ATG9A: variants seen among roughly 807,000 people sequenced by gnomAD.
ATG9A encodes autophagy-related protein 9A.
ATG9A carries 21 observed loss-of-function variants against 87.1 expected under a neutral mutation model. The observed-to-expected ratio is 0.24, with a 90% confidence interval of 0.17 to 0.35. The LOEUF (loss-of-function observed/expected upper bound fraction) is 0.35, where lower values mean the gene tolerates loss of function less well. Ranked by LOEUF, ATG9A falls within the 10% of genes least tolerant of loss-of-function variation. ATG9A has a pLI of 1.00. For missense variants in ATG9A, 836 were observed against 1,107.3 expected (o/e 0.76, Z 3.48); for synonymous variants, 422 against 441.3 (o/e 0.96, Z 0.55).
rs199900351 is a variant in ATG9A, at chr2:219,223,972, C to T, written c.1316G>A (p.Arg439His). Residue 439 changes from arginine (R) to histidine (H), a missense_variant, in exon 9 of 16, where the codon CGC becomes CAC. Transcript: ENST00000361242. This position sits in a 1 kb window ranked among gnomAD's most constrained non-coding sequence, Gnocchi z 4.7. ...GTAGTGGATGTGAGCGAGGATCACG[C>T]GGAGCAGCTGCTCAGGGCAGAACAC... ...HMVFCPEQLL[R>H]VILAHIHYMP... is the part of the protein sequence containing the mutation. The T allele has an allele frequency of 2.8e-4, 446 of 1,613,812 alleles. No individual in the cohort carries two copies. Among genetic ancestry groups the T allele is most frequent in the Non-Finnish European group, 3.6e-4 (424 of 1,179,908 alleles).
rs755001890 is a variant in ATG9A at position 219,224,817 on chromosome 2, G to A, written c.554C>T (p.Ala185Val). ...CTCCTTCTGCGTCTGCACGATCCGG[G>A]CCTGCACTTCTTGCCACGTGCAATA... is the stretch of plus-strand genomic sequence containing the variant. ...LPYCTWQEVQ[A>V]RIVQTQKEHQ... Residue 185 changes from alanine (A) to valine (V), a missense_variant, in exon 8 of 16, where the codon GCC becomes GTC. Ala to Val is a moderately conservative substitution (Grantham distance 64, BLOSUM62 0). Around this residue, in one of 2 missense-constraint regions of ATG9A, gnomAD observed 512 missense variants for 759.6 expected, o/e 0.67. Transcript: ENST00000361242. The surrounding 1 kb of genome is among the most constrained non-coding windows in gnomAD (Gnocchi z 7.7). The A allele has an allele frequency of 3.7e-6, 6 of 1,614,138 alleles. No individual in the cohort carries two copies. The South Asian group carries it at 6.6e-5, about 18-fold the overall frequency.
At chr2:219,220,626 G>T in intron 15 of ATG9A, 121 bp downstream of exon 15, 1 of 1,495,228 alleles carries the variant, frequency 6.7e-7, no homozygotes, top group South Asian at 1.2e-5. Context: ...GTGTGTTTTG[G>T]AAGGGAGGGT....
chr2:219,219,758 C>T lies in ATG9A; in HGVS notation c.*689G>A, dbSNP rs1017945049. ...CCATCCTAAAAGATGGCAAGGGCAG[C>T]AAAGTATTTCCATCCTGCTCCTACA... is the stretch of plus-strand genomic sequence containing the variant. On this transcript the variant is annotated 3_prime_UTR_variant, in exon 16 of 16. Coordinates refer to ENST00000361242, the MANE Select transcript of ATG9A (RefSeq NM_001077198.3). 6.6e-6 allele frequency: 1 copy of T among 152,306 alleles called. No homozygotes were observed. Among genetic ancestry groups the T allele is most frequent in the African/African-American group, 2.4e-5 (1 of 41,458 alleles). 9.4% of individuals were successfully genotyped at this position (152,306 alleles called of 1,614,324 possible).
In ATG9A at chr2:219,220,397, G is replaced by A. The variant is rs1352233836; in HGVS notation, c.*50C>T. 40 of 1,607,710 alleles carry A rather than the reference G, an allele frequency of 2.5e-5. No homozygotes were observed. The highest frequency in any genetic ancestry group is 3.3e-5 in the Non-Finnish European group (39 of 1,175,144). The stretch of plus-strand genomic sequence containing the variant: ...CCCATGGCAGGCAGACGGGATGGCA[G>A]GGCAGCGGTGGCCTCCATCCTGGGC... On this transcript the variant is annotated 3_prime_UTR_variant, in exon 16 of 16. Coordinates refer to ENST00000361242, the MANE Select transcript of ATG9A (RefSeq NM_001077198.3).
chr2:219,223,522 TCC>T lies in ATG9A; in HGVS notation c.1599+61_1599+62del. ...CAGGAGAGGTGTCTTTTTGCGGTTTTCCCAAAGACACTGTATGTTCCAGCATC... is the reference window on the plus strand; with the variant it reads ...CAGGAGAGGTGTCTTTTTGCGGTTTTCAAAGACACTGTATGTTCCAGCATC... On this transcript the variant is annotated intron_variant, in intron 10 of 15. Transcript: ENST00000361242. This position sits in a 1 kb window ranked among gnomAD's most constrained non-coding sequence, Gnocchi z 4.7. 5 of 1,511,200 alleles carry T rather than the reference TCC, an allele frequency of 3.3e-6. No homozygotes were observed. In the South Asian group the frequency reaches 3.9e-5, roughly 12 times the overall value. 93.6% of individuals were successfully genotyped at this position (1,511,200 alleles called of 1,614,324 possible).
Position 219,221,088 on chromosome 2 carries a change from C to T in ATG9A, c.2360G>A (p.Gly787Asp). 1 of 1,612,784 alleles carries T rather than the reference C, an allele frequency of 6.2e-7. No individual in the cohort carries two copies. Among genetic ancestry groups the T allele is most frequent in the Non-Finnish European group, 8.5e-7 (1 of 1,179,496 alleles). ...ATACCCCCACTGGATACCTGTGATG[C>T]CACCGTAGCGCCTCTGGAAGCCCCC... ...LHGGFQRRYG[G>D]ITDPGTVPRV... The change falls in exon 14 of 16, where the codon GGC (glycine) becomes GAC (aspartate). Residue 787 changes from glycine (G) to aspartate (D), a missense_variant. Around this residue, in one of 2 missense-constraint regions of ATG9A, gnomAD observed 324 missense variants for 347.6 expected, o/e 0.93. Transcript: ENST00000361242.
In ATG9A at chr2:219,223,088, T is replaced by A. The variant is rs957238658; in HGVS notation, c.1600-195A>T. Among the ~76,000 whole-genome samples the A allele has an allele frequency of 3.5e-5, 4 of 115,206 alleles. No homozygotes were observed. Among genetic ancestry groups the A allele is most frequent in the African/African-American group, 4.1e-5 (1 of 24,626 alleles). 75.6% of individuals were successfully genotyped at this position (115,206 alleles called of 152,430 possible). On this transcript the variant is annotated intron_variant, in intron 10 of 15. Transcript: ENST00000361242. This position sits in a 1 kb window ranked among gnomAD's most constrained non-coding sequence, Gnocchi z 4.7. ...CTGAGCCAGTTACTTGTGTTGTGCCTTTTTTTTTTTTTTTTTTGAGATGGA... is the reference window on the plus strand; with the variant it reads ...CTGAGCCAGTTACTTGTGTTGTGCCATTTTTTTTTTTTTTTTTGAGATGGA...
rs191487005 is a variant in ATG9A at position 219,225,104 on chromosome 2, G to A, written c.483C>T (p.His161=). 3.1e-4 allele frequency: 500 copies of A among 1,614,218 alleles called. 2 individuals carry two copies. In the African/African-American group the frequency reaches 6.0e-3, roughly 19 times the overall value. Residue 161 remains histidine (H), a synonymous_variant, in exon 7 of 16, where the codon CAC becomes CAT. Coordinates refer to ENST00000361242, the MANE Select transcript of ATG9A (RefSeq NM_001077198.3). Reference sequence around the variant, plus strand: ...TGCGCAGAGCGTGCAGGTAGAAGGAGTGGATCTCCCAGTAGCAGCAAATGT... The same window carrying A: ...TGCGCAGAGCGTGCAGGTAGAAGGAATGGATCTCCCAGTAGCAGCAAATGT... The part of the protein sequence containing the change: ...IYNICCYWEI[H]SFYLHALRIP...
intron 15 of ATG9A, 101 bp from the exon 16 acceptor site, chr2:219,220,553 T>A: frequency 6.4e-7 from 1 of 1,556,512 alleles, no homozygotes; most frequent in Non-Finnish European, 8.8e-7. Flanking sequence ...GAAAGGTTGA[T>A]TCCTGGGGAG....
rs754212522 is a variant in ATG9A at position 219,224,510 on chromosome 2, G to A, written c.861C>T (p.Ser287=). 3.1e-6 allele frequency: 5 copies of A among 1,614,118 alleles called. No homozygotes were observed. Among genetic ancestry groups the A allele is most frequent in the Non-Finnish European group, 3.4e-6 (4 of 1,179,998 alleles). Residue 287 remains serine (S), a synonymous_variant, in exon 8 of 16, where the codon AGC becomes AGT. Coordinates refer to ENST00000361242, the MANE Select transcript of ATG9A (RefSeq NM_001077198.3). The surrounding 1 kb of genome is among the most constrained non-coding windows in gnomAD (Gnocchi z 7.7). ...GQRLELAQRL[S]NRILWIGIAN... ...CGATGCCAATCCACAGGATGCGGTT[G>A]CTGAGGCGCTGGGCCAGCTCTAGCC...
chr2:219,226,845 T>A, intron 5 of ATG9A, 24 bp downstream of exon 5: 1 of 1,597,492 alleles, frequency 6.3e-7, no homozygotes, highest in Non-Finnish European at 8.6e-7. Flanking sequence ...TTTCACCACA[T>A]CATCTGTCCC....
Position 219,224,802 on chromosome 2 carries a change from G to A in ATG9A, c.569C>T (p.Thr190Met), listed in dbSNP as rs762049045. Residue 190 changes from threonine (T) to methionine (M), a missense_variant, in exon 8 of 16, where the codon ACG becomes ATG. Physicochemically the swap from Thr to Met is moderately conservative, Grantham distance 81. Transcript: ENST00000361242. The surrounding 1 kb of genome is among the most constrained non-coding windows in gnomAD (Gnocchi z 7.7). ...GATGCAGATCTGGTGCTCCTTCTGC[G>A]TCTGCACGATCCGGGCCTGCACTTC... ...WQEVQARIVQ[T>M]QKEHQICIHK... 9 of 1,614,176 alleles carry A rather than the reference G, an allele frequency of 5.6e-6. No homozygotes were observed. The highest frequency in any genetic ancestry group is 1.7e-5 in the Admixed American group (1 of 60,024).
chr2:219,228,179 G>A (rs1426291461), intron 2 of ATG9A, 126 bp from the exon 3 acceptor site: 6 of 642,716 alleles, frequency 9.3e-6, no homozygotes, highest in South Asian at 2.0e-5. Flanking sequence ...TTGGCTCAGA[G>A]GCAGAGGAGT....
At position 219,224,913 on chromosome 2, in the gene ATG9A, C is replaced by T; in HGVS notation, c.517-59G>A. 4 of 1,593,188 alleles carry T rather than the reference C, an allele frequency of 2.5e-6. No homozygotes were observed. Among genetic ancestry groups the T allele is most frequent in the Non-Finnish European group, 3.4e-6 (4 of 1,167,252 alleles). ...GAAGGTGGGGTTGTTGCCTCGACCC[C>T]TTTGCCCTATATTAGAAGTGAGATT... On this transcript the variant is annotated intron_variant, in intron 7 of 15. Transcript: ENST00000361242. This position sits in a 1 kb window ranked among gnomAD's most constrained non-coding sequence, Gnocchi z 7.7.
At position 219,220,458 on chromosome 2, in the gene ATG9A, G is replaced by A; in HGVS notation, c.2515-6C>T. 1 of 1,613,764 alleles carries A rather than the reference G, an allele frequency of 6.2e-7. No homozygotes were observed. ...CTGCTCAGCCTTGTCTATACCTGTG[G>A]GGAGAAAGGGTTGGTAATGGAGATA... On this transcript the variant is annotated splice_polypyrimidine_tract_variant and splice_region_variant and intron_variant, in intron 15 of 15. Transcript: ENST00000361242.
rs1377816755 is a variant in ATG9A at position 219,220,447 on chromosome 2, C to T, written c.2520G>A (p.Ter840=). ...DELPPQVHKV[*] is the part of the protein sequence containing the mutation. ...CCACAGGAACCCTGCTCAGCCTTGT[C>T]TATACCTGTGGGGAGAAAGGGTTGG... Residue 840 remains the stop codon, a stop_retained_variant, in exon 16 of 16, where the codon TAG becomes TAA. Coordinates refer to ENST00000361242, the MANE Select transcript of ATG9A (RefSeq NM_001077198.3). 4 of 1,613,800 alleles carry T rather than the reference C, an allele frequency of 2.5e-6. No individual in the cohort carries two copies. Among genetic ancestry groups the T allele is most frequent in the African/African-American group, 1.3e-5 (1 of 75,016 alleles).
In ATG9A at chr2:219,227,947, C is replaced by G. The variant is rs1283528533; in HGVS notation, c.78G>C (p.Leu26Phe). 6.2e-7 allele frequency: 1 copy of G among 1,614,160 alleles called. No individual in the cohort carries two copies. The highest frequency in any genetic ancestry group is 1.1e-5 in the South Asian group (1 of 91,080). The change falls in exon 3 of 16, where the codon TTG becomes TTC. Residue 26 changes from leucine to phenylalanine, a missense_variant. Coordinates refer to ENST00000361242, the MANE Select transcript of ATG9A (RefSeq NM_001077198.3). ...SDSPPGEEDL[L>F]VHVAEGSKSP... ...ACTTGCTCCCCTCGGCGACGTGCAC[C>G]AACAGGTCCTCCTCCCCTGGGGGTG...
At position 219,224,749 on chromosome 2, in the gene ATG9A, T is replaced by C. The variant is rs750850664; in HGVS notation, c.622A>G (p.Ile208Val). The C allele has an allele frequency of 6.2e-7, 1 of 1,614,224 alleles. No homozygotes were observed. The highest frequency in any genetic ancestry group is 8.5e-7 in the Non-Finnish European group (1 of 1,180,036). ...TGGAAACGGAGGATGCGGTGGTAGA[T>C]GTCCAGTTCTGTCAGCTCACGTTTG... ...IHKRELTELD[I>V]YHRILRFQNY... Residue 208 changes from isoleucine (I) to valine (V), a missense_variant, in exon 8 of 16, where the codon ATC becomes GTC. Physicochemically the swap from Ile to Val is conservative, Grantham distance 29. Coordinates refer to ENST00000361242, the MANE Select transcript of ATG9A (RefSeq NM_001077198.3). The surrounding 1 kb of genome is among the most constrained non-coding windows in gnomAD (Gnocchi z 7.7).
In ATG9A at chr2:219,222,519, G is replaced by T. The variant is rs533473995; in HGVS notation, c.1849-69C>A. The T allele has an allele frequency of 4.5e-6, 7 of 1,556,530 alleles. No individual in the cohort carries two copies. In the South Asian group the frequency reaches 6.1e-5, roughly 14 times the overall value. On this transcript the variant is annotated intron_variant, in intron 11 of 15. Transcript: ENST00000361242. This position sits in a 1 kb window ranked among gnomAD's most constrained non-coding sequence, Gnocchi z 4.3. ...GGTCTCTGGGGTCCCCTAGTATTCT[G>T]TATCTCAGGCCCCAGTGGCACATAC...
Sources: allele counts gnomAD v4.1 joint callset (sites outside exome capture counted in the v4.1 genomes callset), GRCh38; gene constraint gnomAD v4.1.1; regional missense constraint gnomAD v4.1.1; non-coding constraint Gnocchi (gnomAD v3.1); transcripts MANE v1.5; gene names NCBI Gene and HGNC (gene_info 2026-07-23, HGNC 2026-07-21).